The following FBXL18 variants were observed in gnomAD, a reference collection of about 807,000 sequenced individuals.
FBXL18 encodes F-box/LRR-repeat protein 18.
In FBXL18, 36 loss-of-function variants were observed where a neutral mutation model predicts 46.0. The observed-to-expected ratio is 0.78, with a 90% CI of 0.60 to 1.03. The LOEUF is 1.03. Ranked by LOEUF, FBXL18 falls within the 50% of genes least tolerant of loss-of-function variation. FBXL18 has a pLI of 0.00. For synonymous variants in FBXL18, 557 were observed against 465.3 expected, an observed-to-expected ratio of 1.20 and a Z score of -2.54; for missense variants, 977 against 1,004.1, an observed-to-expected ratio of 0.97 and a Z score of 0.36.
downstream of FBXL18, among the ~76,000 whole-genome samples, chr7:5,473,233 A>C (rs1284554409): frequency 6.6e-6 from 1 of 152,072 alleles, no homozygotes; most frequent in Non-Finnish European, 1.5e-5. Context: ...CCATCACCTC[A>C]AGAACCAAGC....
intron 2 of FBXL18, among the ~76,000 whole-genome samples, chr7:5,502,524 G>C (rs901458641): frequency 6.8e-6 from 1 of 148,098 alleles, no homozygotes; most frequent in South Asian, 2.1e-4. Context: ...AACAGAAAGA[G>C]ACTCTGTCTC....
chr7:5,491,663 G>A (rs990362119), intron 3 of FBXL18, among the ~76,000 whole-genome samples: 3 of 152,288 alleles, frequency 2.0e-5, no homozygotes, highest in South Asian at 2.1e-4. Flanking sequence ...GAGGCGACCC[G>A]GTGGGCCTGA....
chr7:5,458,612 C>T (rs953617928), intron 4 of FBXL18, among the ~76,000 whole-genome samples: 5 of 151,988 alleles, frequency 3.3e-5, no homozygotes, highest in African/African-American at 1.2e-4. Flanking sequence ...GCAGGAGTAT[C>T]GCTTAACTCG....
At chr7:5,462,923 C>T (rs1425021577) in intron 4 of FBXL18, among the ~76,000 whole-genome samples, 1 of 122,072 alleles carries the variant, frequency 8.2e-6, no homozygotes, top group Non-Finnish European at 1.7e-5. Flanking sequence ...TGCACTCCAG[C>T]CTGGGCGACA....
chr7:5,456,053 G>A (rs66483545), intron 4 of FBXL18, among the ~76,000 whole-genome samples: 31,266 of 151,818 alleles, frequency 0.21, 3,762 homozygotes, highest in African/African-American at 0.32. Flanking sequence ...CTTCCTGAAC[G>A]ACCCAACCTC....
At chr7:5,464,683 A>C (rs1342314055) in intron 4 of FBXL18, among the ~76,000 whole-genome samples, 1 of 140,524 alleles carries the variant, frequency 7.1e-6, no homozygotes, top group African/African-American at 2.6e-5. Flanking sequence ...AAAAAAAAAA[A>C]CACTAAGATG....
At chr7:5,511,746 C>T (rs1216181565) in intron 1 of FBXL18, among the ~76,000 whole-genome samples, 2 of 147,572 alleles carry the variant, frequency 1.4e-5, no homozygotes, top group African/African-American at 2.5e-5. Context: ...CCAACCTGGG[C>T]GACAGAGCGA....
chr7:5,460,805 CAA>C (rs1225412109), intron 4 of FBXL18, among the ~76,000 whole-genome samples: 3 of 152,176 alleles, frequency 2.0e-5, no homozygotes, highest in Non-Finnish European at 2.9e-5. Flanking sequence ...GCCTCCATCC[CAA>C]GCCCGGCCTC....
chr7:5,513,578 A>G, intron 1 of FBXL18, 79 bp downstream of exon 1: 2 of 1,529,412 alleles, frequency 1.3e-6, no homozygotes, highest in South Asian at 2.3e-5. Flanking sequence ...ATGCAAGGGA[A>G]CCCGGGTCGG....
In FBXL18 at chr7:5,476,870, G is replaced by C. The variant is rs1783527707; in HGVS notation, c.*4905C>G. 1 of 151,630 alleles carries C rather than the reference G, an allele frequency of 6.6e-6. No homozygotes were observed. Among genetic ancestry groups the C allele is most frequent in the Non-Finnish European group, 1.5e-5 (1 of 68,038 alleles). The allele number at this position is 151,630 out of a possible 1,614,324, so 9.4% of individuals were successfully genotyped here. A position where few individuals can be genotyped will look rare whatever the true frequency, so the allele number is the denominator to read the frequency against. ...GTGGGGTTTGTGTTCATCATGCCCA[G>C]TAGATCTAGAAACTTCTTTTGTTTT... On this transcript the variant is annotated 3_prime_UTR_variant, in exon 5 of 5. Transcript: ENST00000382368.
chr7:5,507,671 T>C (rs576954455), intron 1 of FBXL18, among the ~76,000 whole-genome samples: 1 of 151,060 alleles, frequency 6.6e-6, no homozygotes, highest in Non-Finnish European at 1.5e-5. Flanking sequence ...CCGTCTCTAC[T>C]AAAAATACAA....
downstream of FBXL18, chr7:5,475,772 GT>G (rs1368767344): frequency 2.6e-5 from 4 of 152,314 alleles, no homozygotes; most frequent in Non-Finnish European, 4.4e-5. This position sits in a 1 kb window ranked among gnomAD's most constrained non-coding sequence, Gnocchi z 4.2. Flanking sequence ...CAAAGTATCC[GT>G]GCTGGAAGGA....
At chr7:5,507,289 G>A (rs1057371020) in intron 1 of FBXL18, among the ~76,000 whole-genome samples, 1 of 152,060 alleles carries the variant, frequency 6.6e-6, no homozygotes, top group Non-Finnish European at 1.5e-5. Flanking sequence ...GAGGTTTCCT[G>A]GGAACTCTGA....
intron 2 of FBXL18, among the ~76,000 whole-genome samples, chr7:5,504,701 G>T (rs1368120509): frequency 2.7e-5 from 4 of 148,970 alleles, no homozygotes; most frequent in African/African-American, 9.7e-5. Context: ...AGATCACGAG[G>T]TCAGGAGATC....
chr7:5,492,657 G>C (rs560246415), intron 3 of FBXL18, among the ~76,000 whole-genome samples: 1 of 152,194 alleles, frequency 6.6e-6, no homozygotes, highest in South Asian at 2.1e-4. Context: ...CATCCTGCAT[G>C]ATGGGGACTC....
intron 2 of FBXL18, among the ~76,000 whole-genome samples, chr7:5,502,662 C>G (rs1347232582): frequency 6.6e-6 from 1 of 152,034 alleles, no homozygotes. Flanking sequence ...GAAACCTCAT[C>G]TCTACTAAAA....
chr7:5,512,524 G>C (rs892291073), intron 1 of FBXL18, among the ~76,000 whole-genome samples: 2 of 152,100 alleles, frequency 1.3e-5, no homozygotes, highest in African/African-American at 2.4e-5. Flanking sequence ...CTGAGAAGGG[G>C]AATCGCTTGA....
At chr7:5,493,363 G>A (rs910825413) in intron 3 of FBXL18, among the ~76,000 whole-genome samples, 4 of 152,016 alleles carry the variant, frequency 2.6e-5, no homozygotes, top group Non-Finnish European at 4.4e-5. Context: ...GTGCAGTGGC[G>A]TGATCTCAGC....
At chr7:5,503,421 T>C (rs1784317363) in intron 2 of FBXL18, among the ~76,000 whole-genome samples, 4 of 152,204 alleles carry the variant, frequency 2.6e-5, no homozygotes, top group Admixed American at 2.6e-4. Flanking sequence ...GGTACAACAA[T>C]AGCTTACTGC....
Sources: gnomAD v4.1 joint callset for allele counts (sites outside exome capture counted in the v4.1 genomes callset) on GRCh38, gnomAD v4.1.1 for gene constraint, Gnocchi (gnomAD v3.1) non-coding constraint, MANE v1.5 for transcripts, NCBI Gene and HGNC (gene_info 2026-07-23, HGNC 2026-07-21) for gene names.